The following ADAMTS19 variants were observed in gnomAD, a reference collection of about 807,000 sequenced individuals.
The protein encoded by ADAMTS19 is A disintegrin and metalloproteinase with thrombospondin motifs 19.
In ADAMTS19, 93 loss-of-function variants were observed where a neutral mutation model predicts 153.3. The ratio of observed to expected loss-of-function variants is 0.61; its 90% CI spans 0.51 to 0.72. ADAMTS19 has a LOEUF of 0.72. Ranked by LOEUF, ADAMTS19 falls within the 30% of genes least tolerant of loss-of-function variation. The pLI is 0.00. For synonymous variants in ADAMTS19, 600 were observed against 556.6 expected (o/e 1.08, Z -1.10); for missense variants, 1,482 against 1,552.1 (o/e 0.95, Z 0.76).
At chr5:129,724,131 T>C (rs1056973639) in intron 21 of ADAMTS19, among the ~76,000 whole-genome samples, 1 of 152,226 alleles carries the variant, frequency 6.6e-6, no homozygotes, top group African/African-American at 2.4e-5. Context: ...TCTTAGTTAA[T>C]TCTCTTCTGG....
At chr5:129,647,451 C>G (rs1335939655) in intron 11 of ADAMTS19, among the ~76,000 whole-genome samples, 3 of 151,968 alleles carry the variant, frequency 2.0e-5, no homozygotes, top group African/African-American at 7.2e-5. Context: ...GTTGGATTTT[C>G]TTTCCTGGTT....
chr5:129,728,160 TG>T (rs1182175213), intron 21 of ADAMTS19, among the ~76,000 whole-genome samples: 2 of 152,254 alleles, frequency 1.3e-5, no homozygotes, highest in South Asian at 2.1e-4. Context: ...ACAAATGCCA[TG>T]GCAACATCAA....
At chr5:129,657,665 G>T (rs949544133) in intron 14 of ADAMTS19, among the ~76,000 whole-genome samples, 22 of 152,326 alleles carry the variant, frequency 1.4e-4, no homozygotes, top group Admixed American at 1.4e-3. Context: ...GTTGTGAGGA[G>T]TTCTTACTCA....
intron 7 of ADAMTS19, among the ~76,000 whole-genome samples, chr5:129,567,790 A>G (rs1191613005): frequency 1.3e-5 from 2 of 152,114 alleles, no homozygotes; most frequent in Admixed American, 1.3e-4. Flanking sequence ...ACATTTGGAA[A>G]AAAATTTAAA....
chr5:129,558,948 G>GAAT (rs2126837574), intron 7 of ADAMTS19, among the ~76,000 whole-genome samples: 1 of 151,866 alleles, frequency 6.6e-6, no homozygotes, highest in South Asian at 2.1e-4. Flanking sequence ...TTCTTAGAGA[G>GAAT]TACACAGAAA....
chr5:129,613,885 C>G (rs1356386855), intron 8 of ADAMTS19, among the ~76,000 whole-genome samples: 2 of 152,064 alleles, frequency 1.3e-5, no homozygotes, highest in Non-Finnish European at 2.9e-5. Flanking sequence ...ATACAAACTA[C>G]CATCAGAGAA....
intron 17 of ADAMTS19, 26 bp downstream of exon 17, chr5:129,679,947 G>A: frequency 6.3e-7 from 1 of 1,592,932 alleles, no homozygotes; most frequent in Non-Finnish European, 8.5e-7. Flanking sequence ...TTGATAACAT[G>A]GCATAATCAA....
intron 6 of ADAMTS19, among the ~76,000 whole-genome samples, chr5:129,537,753 A>G (rs1399592097): frequency 6.6e-6 from 1 of 151,918 alleles, no homozygotes; most frequent in Non-Finnish European, 1.5e-5. Context: ...AGGAAGGGGA[A>G]CATCACACAC....
chr5:129,509,802 C>G (rs2126726586), intron 3 of ADAMTS19, among the ~76,000 whole-genome samples: 1 of 151,906 alleles, frequency 6.6e-6, no homozygotes, highest in African/African-American at 2.4e-5. Context: ...ATAAACATTC[C>G]CAACCATCAA....
At chr5:129,712,581 A>ATTTT (rs796406941) in intron 21 of ADAMTS19, among the ~76,000 whole-genome samples, 56 of 151,268 alleles carry the variant, frequency 3.7e-4, no homozygotes, top group African/African-American at 1.3e-3. Flanking sequence ...AAGAGAATGG[A>ATTTT]TTTTTTTTTG....
chr5:129,707,542 A>G (rs1431480152), intron 21 of ADAMTS19, among the ~76,000 whole-genome samples: 1 of 152,176 alleles, frequency 6.6e-6, no homozygotes, highest in African/African-American at 2.4e-5. Context: ...CATTACTTTC[A>G]TGTTAAAATG....
chr5:129,460,312 C>T lies in ADAMTS19; in HGVS notation c.-80C>T. 8.0e-7 allele frequency: 1 copy of T among 1,255,808 alleles called. No homozygotes were observed. The highest frequency in any genetic ancestry group is 1.1e-6 in the Non-Finnish European group (1 of 889,616). The allele number at this position is 1,255,808 out of a possible 1,614,324, so 77.8% of individuals were successfully genotyped here. A position where few individuals can be genotyped will look rare whatever the true frequency, so the allele number is the denominator to read the frequency against. Reference sequence around the variant, plus strand: ...ATTCGCCGCCCGGCCTCCTAGCGCTCCGGGGAGGCCGCTGCGCCCCGGAGT... The same window carrying T: ...ATTCGCCGCCCGGCCTCCTAGCGCTTCGGGGAGGCCGCTGCGCCCCGGAGT... On this transcript the variant is annotated 5_prime_UTR_variant, in exon 1 of 23. Transcript: ENST00000274487.
chr5:129,608,139 T>TAA (rs1751019072), intron 8 of ADAMTS19, among the ~76,000 whole-genome samples: 4 of 137,120 alleles, frequency 2.9e-5, no homozygotes, highest in Admixed American at 2.2e-4. Flanking sequence ...TATATATATA[T>TAA]AATGGAACAT....
chr5:129,514,290 T>G (rs1751528036), intron 3 of ADAMTS19, among the ~76,000 whole-genome samples: 1 of 152,138 alleles, frequency 6.6e-6, no homozygotes. Context: ...TTTCCTTTCT[T>G]TTGGGTATAA....
chr5:129,657,213 G>C (rs996038119), intron 14 of ADAMTS19, among the ~76,000 whole-genome samples: 1 of 152,282 alleles, frequency 6.6e-6, no homozygotes. Context: ...AAGGAATGCT[G>C]TATTGTGCAG....
chr5:129,675,920 C>G (rs1754528767), intron 16 of ADAMTS19, among the ~76,000 whole-genome samples: 2 of 152,176 alleles, frequency 1.3e-5, no homozygotes, highest in Middle Eastern at 3.4e-3. Flanking sequence ...TCTAGCTACT[C>G]AGGAGGCTGA....
At chr5:129,604,366 C>A (rs1206409395) in intron 8 of ADAMTS19, among the ~76,000 whole-genome samples, 1 of 152,078 alleles carries the variant, frequency 6.6e-6, no homozygotes, top group Non-Finnish European at 1.5e-5. Flanking sequence ...TTCATATACC[C>A]CCTCAATAGT....
intron 13 of ADAMTS19, among the ~76,000 whole-genome samples, chr5:129,650,130 C>A (rs1753251575): frequency 6.6e-6 from 1 of 152,134 alleles, no homozygotes; most frequent in South Asian, 2.1e-4. Context: ...AAGATGGTGC[C>A]ACTTTACTCT....
At chr5:129,691,893 A>AT (rs1159188208) in intron 18 of ADAMTS19, among the ~76,000 whole-genome samples, 1 of 152,112 alleles carries the variant, frequency 6.6e-6, no homozygotes, top group Non-Finnish European at 1.5e-5. Context: ...AAGGTTAAAT[A>AT]TTTTCTGAGG....
Sources: allele counts gnomAD v4.1 joint callset (sites outside exome capture counted in the v4.1 genomes callset), GRCh38; gene constraint gnomAD v4.1.1; transcripts MANE v1.5; gene names NCBI Gene and HGNC (gene_info 2026-07-23, HGNC 2026-07-21).